Variants in AGBL4 observed in about 807,000 individuals in gnomAD.
AGBL4 encodes cytosolic carboxypeptidase 6.
In AGBL4, 58 loss-of-function variants were observed where a neutral mutation model predicts 66.4. That is an observed-to-expected ratio of 0.87 (90% CI 0.71 to 1.09). The LOEUF (loss-of-function observed/expected upper bound fraction) is 1.09, where lower values mean the gene tolerates loss of function less well. Ranked by LOEUF, AGBL4 falls within the 50% of genes least tolerant of loss-of-function variation. The probability of loss-of-function intolerance (pLI) is 0.00; values close to 1 mark genes in which losing one functional copy is unlikely to be tolerated. For missense variants in AGBL4, 579 were observed against 631.0 expected, an observed-to-expected ratio of 0.92 and a Z score of 0.88; for synonymous variants, 234 against 222.9, an observed-to-expected ratio of 1.05 and a Z score of -0.44.
At chr1:49,979,768 T>C (rs892267500) in intron 1 of AGBL4, among the ~76,000 whole-genome samples, 12 of 152,188 alleles carry the variant, frequency 7.9e-5, no homozygotes, top group African/African-American at 2.7e-4. Context: ...ACCATAAACT[T>C]TGAATAACAA....
At chr1:49,643,375 AAT>A (rs1364806496) in intron 3 of AGBL4, among the ~76,000 whole-genome samples, 5 of 151,802 alleles carry the variant, frequency 3.3e-5, no homozygotes, top group African/African-American at 1.2e-4. Flanking sequence ...TATACAGTTA[AAT>A]AGAGTTCACA....
At chr1:49,267,668 A>C (rs1643954373) in intron 3 of AGBL4, among the ~76,000 whole-genome samples, 1 of 152,096 alleles carries the variant, frequency 6.6e-6, no homozygotes, top group African/African-American at 2.4e-5. Context: ...CAACGGAGCG[A>C]GACTCTGTCC....
intron 2 of AGBL4, among the ~76,000 whole-genome samples, chr1:49,782,810 C>T (rs1220822988): frequency 6.6e-6 from 1 of 152,172 alleles, no homozygotes; most frequent in East Asian, 1.9e-4. Flanking sequence ...TCTCTTTGCC[C>T]TTCTGCCATG....
intron 1 of AGBL4, among the ~76,000 whole-genome samples, chr1:50,019,306 T>TCTCTAACACACACACA (rs1167835143): frequency 2.1e-5 from 1 of 48,402 alleles, no homozygotes; most frequent in Non-Finnish European, 3.7e-5. Flanking sequence ...TCTCTCTCTC[T>TCTCTAACACACACACA]CACACACACA....
chr1:49,513,140 C>T (rs1190172893), intron 3 of AGBL4, among the ~76,000 whole-genome samples: 1 of 152,058 alleles, frequency 6.6e-6, no homozygotes, highest in Non-Finnish European at 1.5e-5. Context: ...TATCTTTAAA[C>T]TCCAAGTTCA....
chr1:49,245,799 A>T lies in AGBL4; in HGVS notation c.348T>A (p.Pro116=). Reference sequence around the variant, plus strand: ...TTGGTCTGCTGGTAGATTTCACCATAGGGGCCATCCCATCTCTATAGAGAC... The same window carrying T: ...TTGGTCTGCTGGTAGATTTCACCATTGGGGCCATCCCATCTCTATAGAGAC... ...TKSLYRDGMA[P]MVKSTSRPKW... The change falls in exon 4 of 14, where the codon CCT becomes CCA. Residue 116 remains proline, a synonymous_variant. Coordinates refer to ENST00000371839, the MANE Select transcript of AGBL4 (RefSeq NM_032785.4). The T allele has an allele frequency of 6.5e-7, 1 of 1,549,736 alleles. No individual in the cohort carries two copies. The highest frequency in any genetic ancestry group is 1.4e-5 in the African/African-American group (1 of 73,070).
At chr1:49,087,268 C>T (rs1008432850) in intron 4 of AGBL4, among the ~76,000 whole-genome samples, 2 of 152,078 alleles carry the variant, frequency 1.3e-5, no homozygotes, top group Non-Finnish European at 2.9e-5. Flanking sequence ...AAATAGAATT[C>T]AGAATATGGA....
intron 3 of AGBL4, among the ~76,000 whole-genome samples, chr1:49,658,176 C>A (rs981832275): frequency 6.6e-6 from 1 of 152,086 alleles, no homozygotes; most frequent in African/African-American, 2.4e-5. Context: ...AAACAAACAA[C>A]CCCATCAAAA....
In AGBL4 at chr1:48,857,249, A is replaced by G. The variant is rs1394239555; in HGVS notation, c.634+9942T>C. 2.2e-4 allele frequency among the ~76,000 whole-genome samples: 34 copies of G among 152,222 alleles called. 1 individual carries two copies. The highest frequency in any genetic ancestry group is 7.3e-5 in the Non-Finnish European group (5 of 68,040). On this transcript the variant is annotated intron_variant, in intron 6 of 13. Coordinates refer to ENST00000371839, the MANE Select transcript of AGBL4 (RefSeq NM_032785.4). The stretch of plus-strand genomic sequence containing the variant: ...CAAATATCTATAACAATTTGACAAG[A>G]TGGACAACATAATTCCATGAAGATA...
intron 6 of AGBL4, among the ~76,000 whole-genome samples, chr1:48,712,591 C>T (rs937415345): frequency 6.6e-6 from 1 of 152,148 alleles, no homozygotes; most frequent in Non-Finnish European, 1.5e-5. Context: ...ACAGTGTGGT[C>T]TGCAGGGTTA....
At chr1:49,702,237 A>C (rs1227278368) in intron 2 of AGBL4, among the ~76,000 whole-genome samples, 1 of 152,188 alleles carries the variant, frequency 6.6e-6, no homozygotes, top group East Asian at 1.9e-4. Context: ...TCACACCTGT[A>C]ATCCCAGCAC....
chr1:49,558,292 CCA>C (rs780933554), intron 3 of AGBL4, among the ~76,000 whole-genome samples: 1 of 152,038 alleles, frequency 6.6e-6, no homozygotes, highest in Non-Finnish European at 1.5e-5. Context: ...ACCAGAATGG[CCA>C]CAGTGTGTCA....
intron 5 of AGBL4, among the ~76,000 whole-genome samples, chr1:48,934,061 G>T (rs979474332): frequency 5.9e-5 from 9 of 152,192 alleles, no homozygotes; most frequent in Admixed American, 3.3e-4. Flanking sequence ...TGCCTCTGGG[G>T]AGCTACAGAA....
chr1:49,123,142 T>A (rs910978012), intron 4 of AGBL4, among the ~76,000 whole-genome samples: 5 of 152,196 alleles, frequency 3.3e-5, no homozygotes, highest in African/African-American at 1.2e-4. Flanking sequence ...CATGAGCCAC[T>A]GCGCCCAGCC....
chr1:49,406,125 C>T (rs1468679240), intron 3 of AGBL4, among the ~76,000 whole-genome samples: 2 of 152,180 alleles, frequency 1.3e-5, no homozygotes, highest in African/African-American at 4.8e-5. Context: ...AGAAAGCATC[C>T]ATGGTAAGCA....
intron 6 of AGBL4, among the ~76,000 whole-genome samples, chr1:48,745,278 G>A (rs1466182510): frequency 6.6e-6 from 1 of 152,200 alleles, no homozygotes; most frequent in Non-Finnish European, 1.5e-5. Context: ...GGACAGGTGG[G>A]AAGCTGTTCT....
chr1:49,425,260 A>G (rs1395920802), intron 3 of AGBL4, among the ~76,000 whole-genome samples: 2 of 152,136 alleles, frequency 1.3e-5, no homozygotes, highest in Admixed American at 1.3e-4. Context: ...ACTATCAATA[A>G]TAAAAAACAT....
chr1:49,769,682 T>TTG, intron 2 of AGBL4, among the ~76,000 whole-genome samples: 1 of 152,124 alleles, frequency 6.6e-6, no homozygotes, highest in South Asian at 2.1e-4. Flanking sequence ...TCATCTAATC[T>TTG]TTGAAAAAGC....
intron 3 of AGBL4, among the ~76,000 whole-genome samples, chr1:49,641,356 T>C (rs1446877443): frequency 1.3e-5 from 2 of 152,208 alleles, no homozygotes. Context: ...TATAGCTAAA[T>C]AATTCAGGGG....
Sources: gnomAD v4.1 joint callset for allele counts (sites outside exome capture counted in the v4.1 genomes callset) on GRCh38, gnomAD v4.1.1 for gene constraint, MANE v1.5 for transcripts, NCBI Gene and HGNC (gene_info 2026-07-23, HGNC 2026-07-21) for gene names.